Variants in OLA1 observed in about 807,000 individuals in gnomAD.
OLA1 encodes the protein Obg like ATPase 1.
A neutral mutation model predicts 48.4 loss-of-function variants in OLA1; 14 were observed. The observed-to-expected ratio is 0.29, with a 90% CI of 0.19 to 0.45. OLA1 has a LOEUF of 0.45. Among genes scored for constraint, OLA1 ranks in the 20% least tolerant of loss-of-function variants. The pLI, the probability that OLA1 is intolerant of heterozygous loss-of-function variation, is 1.00. For synonymous variants in OLA1, 127 were observed against 150.4 expected (o/e 0.84, Z 1.14); for missense variants, 325 against 467.1 (o/e 0.70, Z 2.80).
intron 10 of OLA1, among the ~76,000 whole-genome samples, chr2:174,078,203 A>C (rs1684790391): frequency 6.6e-6 from 1 of 152,020 alleles, no homozygotes; most frequent in South Asian, 2.1e-4. Context: ...TAAACACAAG[A>C]ATCTTCTTTA....
intron 4 of OLA1, among the ~76,000 whole-genome samples, chr2:174,183,590 C>T (rs886429171): frequency 6.6e-6 from 1 of 152,186 alleles, no homozygotes; most frequent in Admixed American, 6.5e-5. Context: ...AGATTGTTCT[C>T]ATTGATATAG....
At chr2:174,160,263 C>G (rs1022151218) in intron 4 of OLA1, among the ~76,000 whole-genome samples, 11 of 152,060 alleles carry the variant, frequency 7.2e-5, no homozygotes, top group Non-Finnish European at 1.6e-4. Flanking sequence ...TAAAACCTAT[C>G]TGGAAATGAA....
chr2:174,098,160 C>G (rs1274687454), intron 7 of OLA1, among the ~76,000 whole-genome samples: 1 of 152,084 alleles, frequency 6.6e-6, no homozygotes, highest in Non-Finnish European at 1.5e-5. Context: ...GCACGTGAAA[C>G]AATTCCTATT....
chr2:174,184,232 G>C (rs935189346), intron 4 of OLA1, among the ~76,000 whole-genome samples: 1 of 152,114 alleles, frequency 6.6e-6, no homozygotes, highest in African/African-American at 2.4e-5. Context: ...GGAAAGGAAA[G>C]AACAGTAACT....
At chr2:174,190,656 A>G (rs900638251) in intron 4 of OLA1, among the ~76,000 whole-genome samples, 2 of 152,106 alleles carry the variant, frequency 1.3e-5, no homozygotes, top group African/African-American at 2.4e-5. Flanking sequence ...GCACAATATT[A>G]AGAACAGATT....
chr2:174,242,434 G>A (rs756716386), intron 2 of OLA1, among the ~76,000 whole-genome samples: 21 of 152,192 alleles, frequency 1.4e-4, no homozygotes, highest in Non-Finnish European at 2.6e-4. Context: ...CTCGCCTCCT[G>A]CCATGCAGCC....
At position 174,219,063 on chromosome 2, in the gene OLA1, T is replaced by C. The variant is rs548443035; in HGVS notation, c.373+3970A>G. 4.1e-5 allele frequency among the ~76,000 whole-genome samples: 6 copies of C among 147,266 alleles called. No individual in the cohort carries two copies. The South Asian group carries it at 1.3e-3, about 32-fold the overall frequency. ...CCAATCTTGAACTCCTAAGCTCAAGTGATCTGCGTAGGTCTCCCAAAGTGC... is the reference window on the plus strand; with the variant it reads ...CCAATCTTGAACTCCTAAGCTCAAGCGATCTGCGTAGGTCTCCCAAAGTGC... On this transcript the variant is annotated intron_variant, in intron 4 of 10. Transcript: ENST00000284719.
At chr2:174,158,269 T>G (rs1428913631) in intron 4 of OLA1, among the ~76,000 whole-genome samples, 1 of 152,200 alleles carries the variant, frequency 6.6e-6, no homozygotes, top group Non-Finnish European at 1.5e-5. Flanking sequence ...TGTGGTCAGC[T>G]GTGCAGGTTC....
intron 2 of OLA1, among the ~76,000 whole-genome samples, chr2:174,242,095 T>C (rs1162602654): frequency 6.6e-6 from 1 of 152,204 alleles, no homozygotes; most frequent in Non-Finnish European, 1.5e-5. Context: ...CTAGTCAAGT[T>C]TGGCCCCCTG....
chr2:174,141,745 T>C, intron 5 of OLA1, 80 bp downstream of exon 5: 1 of 1,020,976 alleles, frequency 9.8e-7, no homozygotes, highest in Non-Finnish European at 1.4e-6. Context: ...ATATTAGATG[T>C]ATCATATGCA....
intron 5 of OLA1, among the ~76,000 whole-genome samples, chr2:174,125,259 C>A (rs1038799737): frequency 6.6e-6 from 1 of 152,138 alleles, no homozygotes; most frequent in Non-Finnish European, 1.5e-5. Flanking sequence ...CAATTATGTG[C>A]GTCACACTGG....
In OLA1 at chr2:174,163,745, TATATATATATATATATATATATATA is replaced by T. The variant is rs1687081128; in HGVS notation, c.374-21770_374-21746del. Among the ~76,000 whole-genome samples the T allele has an allele frequency of 2.2e-4, 10 of 44,664 alleles. 1 individual carries two copies. Among genetic ancestry groups the T allele is most frequent in the Non-Finnish European group, 3.4e-4 (8 of 23,236 alleles). 29.3% of individuals were successfully genotyped at this position (44,664 alleles called of 152,430 possible). A position where few individuals can be genotyped will look rare whatever the true frequency, so the allele number is the denominator to read the frequency against. Reference sequence around the variant, plus strand: ...ATATATATATATATATATATATATATATATATATATATATATATATATATATATATAAATAAATGTTTGGGTGCCT... The same window carrying T: ...ATATATATATATATATATATATATATTATATAAATAAATGTTTGGGTGCCT... On this transcript the variant is annotated intron_variant, in intron 4 of 10. Coordinates refer to ENST00000284719, the MANE Select transcript of OLA1 (RefSeq NM_013341.5).
chr2:174,109,712 T>G (rs1685603369), intron 7 of OLA1, among the ~76,000 whole-genome samples: 1 of 152,198 alleles, frequency 6.6e-6, no homozygotes, highest in South Asian at 2.1e-4. Flanking sequence ...ATGCAAACTA[T>G]TCTGTATAAT....
intron 4 of OLA1, among the ~76,000 whole-genome samples, chr2:174,174,905 A>G (rs780961564): frequency 2.6e-5 from 4 of 152,070 alleles, no homozygotes; most frequent in Non-Finnish European, 5.9e-5. Flanking sequence ...ACAGTATGGT[A>G]TTGCCAAAAC....
rs767558277 is a variant in OLA1, at chr2:174,079,070, C to T, written c.987G>A (p.Gln329=). The T allele has an allele frequency of 1.2e-6, 2 of 1,602,552 alleles. No individual in the cohort carries two copies. Among genetic ancestry groups the T allele is most frequent in the Admixed American group, 1.7e-5 (1 of 58,574 alleles). Residue 329 remains glutamine, a synonymous_variant, in exon 10 of 11, where the codon CAG becomes CAA. Transcript: ENST00000284719. ...WTIRKGTKAP[Q]AAGKIHTDFE... ...AATCTGTGTGAATCTTTCCTGCAGCCTGAGGAGCCTTAGTCCCTTTCTTTG... is the reference window on the plus strand; with the variant it reads ...AATCTGTGTGAATCTTTCCTGCAGCTTGAGGAGCCTTAGTCCCTTTCTTTG...
chr2:174,110,091 A>ATTTTTTTTT (rs199583094), intron 7 of OLA1, among the ~76,000 whole-genome samples: 1 of 110,992 alleles, frequency 9.0e-6, no homozygotes, highest in Non-Finnish European at 1.8e-5. Context: ...TTTGCTAAGG[A>ATTTTTTTTT]TTTTTTTTTT....
chr2:174,075,251 C>T lies in OLA1; in HGVS notation c.*175G>A. 2.3e-6 allele frequency: 1 copy of T among 433,278 alleles called. No homozygotes were observed. The highest frequency in any genetic ancestry group is 4.0e-6 in the Non-Finnish European group (1 of 251,370). 26.8% of individuals were successfully genotyped at this position (433,278 alleles called of 1,614,324 possible). A position where few individuals can be genotyped will look rare whatever the true frequency, so the allele number is the denominator to read the frequency against. On this transcript the variant is annotated 3_prime_UTR_variant, in exon 11 of 11. Coordinates refer to ENST00000284719, the MANE Select transcript of OLA1 (RefSeq NM_013341.5). ...GTTCACATTTAGTGAACCTGCATTTCATGGGGGGGGGGGGGTACACAGTAT... is the reference window on the plus strand; with the variant it reads ...GTTCACATTTAGTGAACCTGCATTTTATGGGGGGGGGGGGGTACACAGTAT...
chr2:174,155,901 G>T (rs1459476555), intron 4 of OLA1, among the ~76,000 whole-genome samples: 1 of 152,150 alleles, frequency 6.6e-6, no homozygotes, highest in East Asian at 1.9e-4. Flanking sequence ...TATAACAGAA[G>T]TGATTAAGGG....
At chr2:174,221,136 C>T (rs1164155971) in intron 4 of OLA1, among the ~76,000 whole-genome samples, 2 of 152,104 alleles carry the variant, frequency 1.3e-5, no homozygotes, top group African/African-American at 4.8e-5. Flanking sequence ...GGCACTTTCA[C>T]ATTCTGAGAT....
Sources: allele counts gnomAD v4.1 joint callset (sites outside exome capture counted in the v4.1 genomes callset), GRCh38; gene constraint gnomAD v4.1.1; transcripts MANE v1.5; gene names NCBI Gene and HGNC (gene_info 2026-07-23, HGNC 2026-07-21).